Variants in FDX1 observed in about 807,000 individuals in gnomAD.
FDX1 encodes ferredoxin 1.
In FDX1, 9 loss-of-function variants were observed where a neutral mutation model predicts 14.9. The ratio of observed to expected loss-of-function variants is 0.60; its 90% confidence interval spans 0.36 to 1.05. FDX1 has a LOEUF of 1.05. FDX1 is among the 50% of genes least tolerant of loss of function. The probability of loss-of-function intolerance (pLI) is 0.01; values close to 1 mark genes in which losing one functional copy is unlikely to be tolerated. For synonymous variants in FDX1, 92 were observed against 99.4 expected, an observed-to-expected ratio of 0.93 and a Z score of 0.44; for missense variants, 204 against 237.2, an observed-to-expected ratio of 0.86 and a Z score of 0.92.
rs1054871784 is a variant in FDX1 at position 110,463,363 on chromosome 11, G to A, written c.*895G>A. 6 of 152,282 alleles carry A rather than the reference G, an allele frequency of 3.9e-5. No homozygotes were observed. The highest frequency in any genetic ancestry group is 1.4e-4 in the African/African-American group (6 of 41,474). The allele number at this position is 152,282 out of a possible 1,614,324, so 9.4% of individuals were successfully genotyped here. A position where few individuals can be genotyped will look rare whatever the true frequency, so the allele number is the denominator to read the frequency against. Reference sequence around the variant, plus strand: ...TCTCTCACGCAAGGATGGGGCTGCAGGGTGAGCAGCGTGGGCTGCAGTGTG... The same window carrying A: ...TCTCTCACGCAAGGATGGGGCTGCAAGGTGAGCAGCGTGGGCTGCAGTGTG... On this transcript the variant is annotated 3_prime_UTR_variant, in exon 4 of 4. Coordinates refer to ENST00000260270, the MANE Select transcript of FDX1 (RefSeq NM_004109.5).
At chr11:110,439,453 C>T (rs748500507) in intron 2 of FDX1, among the ~76,000 whole-genome samples, 1 of 152,104 alleles carries the variant, frequency 6.6e-6, no homozygotes, top group Non-Finnish European at 1.5e-5. Flanking sequence ...ATGATCTGCC[C>T]GATTTGGCCT....
intron 3 of FDX1, among the ~76,000 whole-genome samples, chr11:110,461,910 T>G (rs1946559127): frequency 6.6e-6 from 1 of 152,250 alleles, no homozygotes; most frequent in Non-Finnish European, 1.5e-5. Flanking sequence ...ATGTATTTAT[T>G]CCAGATTTCT....
intron 2 of FDX1, among the ~76,000 whole-genome samples, chr11:110,449,210 G>C (rs1445530892): frequency 6.6e-6 from 1 of 152,132 alleles, no homozygotes; most frequent in African/African-American, 2.4e-5. Flanking sequence ...ACTCTGAATT[G>C]TTAGCCAGTA....
Position 110,433,459 on chromosome 11 carries a change from T to C in FDX1, c.186-2375T>C, listed in dbSNP as rs564429371. 1.9e-4 allele frequency among the ~76,000 whole-genome samples: 29 copies of C among 152,234 alleles called. 1 individual carries two copies. The highest frequency in any genetic ancestry group is 8.3e-4 in the South Asian group (4 of 4,836). ...GTTTTTCTTTCCGCTTTTCAGTTTA[T>C]CTTATGTAGATGGTCACTAAAACCT... is the stretch of plus-strand genomic sequence containing the variant. On this transcript the variant is annotated intron_variant, in intron 1 of 3. Transcript: ENST00000260270.
intron 2 of FDX1, among the ~76,000 whole-genome samples, chr11:110,447,308 G>T (rs1946457713): frequency 8.0e-6 from 1 of 124,348 alleles, no homozygotes. Flanking sequence ...AAAAAACCCA[G>T]CTGGGCATGG....
intron 2 of FDX1, among the ~76,000 whole-genome samples, chr11:110,436,487 C>T (rs13328832): frequency 0.3 from 45,924 of 151,654 alleles, 7,146 homozygotes; most frequent in East Asian, 0.38. Context: ...TCAAGCAATG[C>T]ATGTTTAGAT....
intron 2 of FDX1, among the ~76,000 whole-genome samples, chr11:110,443,519 C>T (rs1269088696): frequency 6.7e-6 from 1 of 149,540 alleles, no homozygotes; most frequent in African/African-American, 2.5e-5. Flanking sequence ...CGGCTCATTG[C>T]AACCTCTGCC....
chr11:110,456,790 T>A, intron 2 of FDX1, 128 bp from the exon 3 acceptor site: 1 of 957,522 alleles, frequency 1.0e-6, no homozygotes. Context: ...ATTACAGGTG[T>A]GAGCCACTGT....
chr11:110,456,918 G>T lies in FDX1; in HGVS notation c.311G>T (p.Gly104Val). 6.2e-7 allele frequency: 1 copy of T among 1,610,574 alleles called. No homozygotes were observed. ...GTTCAGTGTTTGTTGCTTTTGTCAGGTGCATGTGAGGGAACCCTGGCTTGT... is the reference window on the plus strand; with the variant it reads ...GTTCAGTGTTTGTTGCTTTTGTCAGTTGCATGTGAGGGAACCCTGGCTTGT... ...VENNLDIDGFGACEGTLACST... is the reference protein window; with the variant it reads ...VENNLDIDGFVACEGTLACST... The change falls in exon 3 of 4, where the codon GGT becomes GTT. Residue 104 changes from glycine (G) to valine (V), a missense_variant and splice_region_variant. Gly to Val is a moderately radical substitution (Grantham distance 109). Transcript: ENST00000260270.
Position 110,462,664 on chromosome 11 carries a change from A to T in FDX1, c.*196A>T. The T allele has an allele frequency of 2.7e-6, 1 of 371,940 alleles. No individual in the cohort carries two copies. The highest frequency in any genetic ancestry group is 4.8e-6 in the Non-Finnish European group (1 of 208,042). The allele number at this position is 371,940 out of a possible 1,614,324, so 23.0% of individuals were successfully genotyped here. A position where few individuals can be genotyped will look rare whatever the true frequency, so the allele number is the denominator to read the frequency against. On this transcript the variant is annotated 3_prime_UTR_variant, in exon 4 of 4. Coordinates refer to ENST00000260270, the MANE Select transcript of FDX1 (RefSeq NM_004109.5). ...TTTTTATTTTGGTTATATTACAAAA[A>T]TGTCAATCAAATATTAAAAAATAGT...
intron 2 of FDX1, among the ~76,000 whole-genome samples, 167 bp from the exon 3 acceptor site, chr11:110,456,751 T>A (rs562569689): frequency 1.3e-4 from 20 of 152,190 alleles, no homozygotes; most frequent in African/African-American, 4.8e-4. Context: ...TCAAGTGATC[T>A]GCCTGCTTTG....
intron 2 of FDX1, among the ~76,000 whole-genome samples, chr11:110,447,356 AG>A (rs548616563): frequency 6.8e-6 from 1 of 147,540 alleles, no homozygotes; most frequent in Non-Finnish European, 1.5e-5. Flanking sequence ...TGGGAGGCTG[AG>A]GCAGGAGAAT....
chr11:110,461,460 G>T (rs1207738133), intron 3 of FDX1, among the ~76,000 whole-genome samples: 1 of 142,798 alleles, frequency 7.0e-6, no homozygotes, highest in Non-Finnish European at 1.5e-5. Flanking sequence ...TCATGCCAGT[G>T]CACTCCAGCC....
At chr11:110,451,080 A>C (rs971901327) in intron 2 of FDX1, among the ~76,000 whole-genome samples, 1 of 151,746 alleles carries the variant, frequency 6.6e-6, no homozygotes, top group Non-Finnish European at 1.5e-5. Flanking sequence ...ATAGTTTTAT[A>C]GGTTATCTTC....
chr11:110,442,202 C>T (rs1312105249), intron 2 of FDX1, among the ~76,000 whole-genome samples: 3 of 152,318 alleles, frequency 2.0e-5, no homozygotes, highest in Admixed American at 6.5e-5. Flanking sequence ...TCTGCTAGGG[C>T]AGTGCAGAAG....
intron 1 of FDX1, among the ~76,000 whole-genome samples, chr11:110,434,139 T>C (rs943715928): frequency 3.9e-5 from 6 of 152,160 alleles, no homozygotes; most frequent in Non-Finnish European, 8.8e-5. Flanking sequence ...AGCTGATAGT[T>C]AACATACTAT....
intron 2 of FDX1, among the ~76,000 whole-genome samples, chr11:110,455,156 A>G (rs903919320): frequency 6.6e-6 from 1 of 151,838 alleles, no homozygotes; most frequent in Non-Finnish European, 1.5e-5. Flanking sequence ...ACAGGTGTGC[A>G]CCACTACACC....
rs1347904752 is a variant in FDX1, at chr11:110,444,743, TACAC to T, written c.310+8786_310+8789del. Among the ~76,000 whole-genome samples, 85 of 44,726 alleles carry T rather than the reference TACAC, an allele frequency of 1.9e-3. 8 individuals are homozygous for T. The highest frequency in any genetic ancestry group is 7.1e-3 in the African/African-American group (73 of 10,288). The allele number at this position is 44,726 out of a possible 152,430, so 29.3% of individuals were successfully genotyped here. Reference sequence around the variant, plus strand: ...ATATACGTATATATATATATATATATACACGTATATATATATATATATATTTGCA... The same window carrying T: ...ATATACGTATATATATATATATATATGTATATATATATATATATATTTGCA... On this transcript the variant is annotated intron_variant, in intron 2 of 3. Coordinates refer to ENST00000260270, the MANE Select transcript of FDX1 (RefSeq NM_004109.5).
chr11:110,459,540 G>A (rs1191650322), intron 3 of FDX1, among the ~76,000 whole-genome samples: 1 of 152,158 alleles, frequency 6.6e-6, no homozygotes, highest in East Asian at 1.9e-4. Context: ...GCTGTGTTGG[G>A]CCCCAAAGCC....
Sources: gnomAD v4.1 joint callset for allele counts (sites outside exome capture counted in the v4.1 genomes callset) on GRCh38, gnomAD v4.1.1 for gene constraint, MANE v1.5 for transcripts, NCBI Gene and HGNC (gene_info 2026-07-23, HGNC 2026-07-21) for gene names.